The following CCSER1 variants were observed in gnomAD, a reference collection of about 807,000 sequenced individuals.
The protein encoded by CCSER1 is coiled-coil serine rich protein 1.
Under a neutral mutation model 82.0 loss-of-function variants are expected in CCSER1, and 41 were observed. That is an observed-to-expected ratio of 0.50 (90% CI 0.39 to 0.65). The LOEUF (loss-of-function observed/expected upper bound fraction) is 0.65, where lower values mean the gene tolerates loss of function less well. Among genes scored for constraint, CCSER1 ranks in the 30% least tolerant of loss-of-function variants. The pLI, the probability that CCSER1 is intolerant of heterozygous loss-of-function variation, is 0.00. For synonymous variants in CCSER1, 414 were observed against 383.9 expected, an observed-to-expected ratio of 1.08 and a Z score of -0.92; for missense variants, 1,119 against 1,064.2, an observed-to-expected ratio of 1.05 and a Z score of -0.72.
At chr4:90,631,759 T>C (rs1724483720) in intron 6 of CCSER1, among the ~76,000 whole-genome samples, 1 of 152,158 alleles carries the variant, frequency 6.6e-6, no homozygotes, top group South Asian at 2.1e-4. Context: ...GCTCCAAAAT[T>C]TAAAGCTTTT....
At chr4:90,856,309 A>T (rs1764457124) in intron 8 of CCSER1, among the ~76,000 whole-genome samples, 1 of 139,664 alleles carries the variant, frequency 7.2e-6, no homozygotes, top group South Asian at 2.5e-4. Context: ...TGCTGCAGTT[A>T]TTATTTTGCA....
At chr4:90,228,063 C>A (rs190626998) in intron 1 of CCSER1, among the ~76,000 whole-genome samples, 405 of 152,312 alleles carry the variant, frequency 2.7e-3, no homozygotes, top group Non-Finnish European at 4.6e-3. Flanking sequence ...CCCGCCATTG[C>A]CCAGGCTTGC....
intron 10 of CCSER1, among the ~76,000 whole-genome samples, chr4:91,253,395 G>A (rs1740417448): frequency 6.6e-6 from 1 of 152,052 alleles, no homozygotes; most frequent in Admixed American, 6.6e-5. Context: ...TAAGTGTGTG[G>A]GGAGTCAAGA....
At chr4:91,138,999 A>T (rs1352288617) in intron 10 of CCSER1, among the ~76,000 whole-genome samples, 2 of 152,190 alleles carry the variant, frequency 1.3e-5, no homozygotes, top group Non-Finnish European at 2.9e-5. Flanking sequence ...AGCATAGTAC[A>T]TCATAGGTAG....
chr4:91,215,174 C>T (rs966338887), intron 10 of CCSER1, among the ~76,000 whole-genome samples: 2 of 152,042 alleles, frequency 1.3e-5, no homozygotes, highest in African/African-American at 2.4e-5. Flanking sequence ...CCTTGATAAA[C>T]ATTACCGATT....
chr4:90,281,880 A>G (rs1728927665), intron 1 of CCSER1, among the ~76,000 whole-genome samples: 1 of 151,974 alleles, frequency 6.6e-6, no homozygotes. Context: ...TTCAATGAAT[A>G]AAAATCCAAC....
chr4:90,687,636 C>T (rs551773973), intron 6 of CCSER1, among the ~76,000 whole-genome samples: 6 of 152,214 alleles, frequency 3.9e-5, no homozygotes, highest in African/African-American at 1.4e-4. Context: ...TAGAAACATT[C>T]CTGGAGCCCT....
At chr4:91,408,165 T>C (rs1159782351) in intron 10 of CCSER1, among the ~76,000 whole-genome samples, 1 of 152,166 alleles carries the variant, frequency 6.6e-6, no homozygotes, top group African/African-American at 2.4e-5. Context: ...TAAAATCAGA[T>C]GATGACATCA....
chr4:91,218,697 C>T (rs1015917043), intron 10 of CCSER1, among the ~76,000 whole-genome samples: 2 of 152,144 alleles, frequency 1.3e-5, no homozygotes, highest in African/African-American at 4.8e-5. Flanking sequence ...AGACAGAGCC[C>T]TTCTCTTGCT....
At chr4:90,618,819 T>C (rs77626736) in intron 5 of CCSER1, among the ~76,000 whole-genome samples, 183 of 152,016 alleles carry the variant, frequency 1.2e-3, no homozygotes, top group African/African-American at 3.8e-3. Flanking sequence ...TAAATCACTT[T>C]AGACCTGGAG....
At chr4:91,172,865 TAGA>T (rs1410622912) in intron 10 of CCSER1, among the ~76,000 whole-genome samples, 5 of 152,138 alleles carry the variant, frequency 3.3e-5, no homozygotes, top group African/African-American at 1.2e-4. Context: ...TCTAAACTCA[TAGA>T]AGAAACATAT....
chr4:91,265,601 TC>T (rs1474697566), intron 10 of CCSER1, among the ~76,000 whole-genome samples: 3 of 152,222 alleles, frequency 2.0e-5, no homozygotes, highest in Admixed American at 1.3e-4. Flanking sequence ...AGGTACCACT[TC>T]CATTGGTCTG....
chr4:90,566,211 G>A lies in CCSER1; in HGVS notation c.1725-61814G>A, dbSNP rs1021998463. On this transcript the variant is annotated intron_variant, in intron 5 of 10. Transcript: ENST00000509176. Reference sequence around the variant, plus strand: ...ATTTAGTTTGCTAGTATTTTCTTTAGGATTTTTGCATCTCTGTCCATCAGA... The same window carrying A: ...ATTTAGTTTGCTAGTATTTTCTTTAAGATTTTTGCATCTCTGTCCATCAGA... Among the ~76,000 whole-genome samples, 3 of 151,708 alleles carry A rather than the reference G, an allele frequency of 2.0e-5. No homozygotes were observed. The East Asian group carries it at 5.8e-4, about 29-fold the overall frequency.
chr4:90,154,970 G>T (rs1727757661), intron 1 of CCSER1, among the ~76,000 whole-genome samples: 1 of 152,104 alleles, frequency 6.6e-6, no homozygotes, highest in Admixed American at 6.5e-5. Flanking sequence ...TTTTCAAAGG[G>T]AATGCTTTCA....
chr4:91,080,152 AC>A (rs374243196), intron 9 of CCSER1, among the ~76,000 whole-genome samples: 214 of 152,322 alleles, frequency 1.4e-3, no homozygotes, highest in African/African-American at 5.0e-3. Flanking sequence ...TCCAATATTG[AC>A]CACATAGTCA....
At chr4:90,660,707 A>C (rs1730615826) in intron 6 of CCSER1, among the ~76,000 whole-genome samples, 1 of 152,162 alleles carries the variant, frequency 6.6e-6, no homozygotes. Flanking sequence ...CCTTTTTCTA[A>C]AATAGATATT....
At chr4:90,916,782 T>C (rs567916567) in intron 8 of CCSER1, among the ~76,000 whole-genome samples, 12 of 152,106 alleles carry the variant, frequency 7.9e-5, no homozygotes, top group Non-Finnish European at 1.6e-4. Context: ...AGGGCTATTA[T>C]CCAGAATCTA....
At chr4:90,200,932 G>A (rs1031758986) in intron 1 of CCSER1, among the ~76,000 whole-genome samples, 3 of 152,014 alleles carry the variant, frequency 2.0e-5, no homozygotes, top group African/African-American at 7.2e-5. Flanking sequence ...TTCAGTATGT[G>A]GGTGAAATCA....
chr4:91,563,515 T>G (rs897236645), intron 10 of CCSER1, among the ~76,000 whole-genome samples: 7 of 130,814 alleles, frequency 5.4e-5, no homozygotes, highest in Non-Finnish European at 1.0e-4. Flanking sequence ...AGATATAGTG[T>G]TCCATATCTA....
Sources: allele counts gnomAD v4.1 joint callset (sites outside exome capture counted in the v4.1 genomes callset), GRCh38; gene constraint gnomAD v4.1.1; transcripts MANE v1.5; gene names NCBI Gene and HGNC (gene_info 2026-07-23, HGNC 2026-07-21).